Variants in CCDC9 observed in about 807,000 individuals in gnomAD.
CCDC9 encodes the protein coiled-coil domain containing 9.
Under a neutral mutation model 65.6 loss-of-function variants are expected in CCDC9, and 52 were observed. That is an observed-to-expected ratio of 0.79 (90% confidence interval 0.63 to 1.00). The LOEUF is 1.00. CCDC9 is among the 50% of genes least tolerant of loss of function. The pLI, the probability that CCDC9 is intolerant of heterozygous loss-of-function variation, is 0.00. For synonymous variants in CCDC9, 332 were observed against 280.3 expected (o/e 1.18, Z -1.84); for missense variants, 834 against 757.2 (o/e 1.10, Z -1.19).
chr19:47,270,667 A>C lies in CCDC9; in HGVS notation c.1064A>C (p.Lys355Thr), dbSNP rs1195354450. The C allele has an allele frequency of 1.2e-6, 2 of 1,611,808 alleles. No homozygotes were observed. The highest frequency in any genetic ancestry group is 1.7e-6 in the Non-Finnish European group (2 of 1,179,888). ...AGAAAGAGCAGTCGGCCCCAGGCCA[A>C]GGCAGCGCCCAGGGCCTACAGGTGG... The part of the protein sequence containing the change: ...RRRKSSRPQA[K>T]AAPRAYSDHD... The change falls in exon 10 of 12, where the codon AAG becomes ACG. Residue 355 changes from lysine (K) to threonine (T), a missense_variant. Coordinates refer to ENST00000221922, the MANE Select transcript of CCDC9 (RefSeq NM_015603.3).
chr19:47,266,880 G>C (rs996754716), intron 8 of CCDC9, 88 bp downstream of exon 8: 9 of 1,477,082 alleles, frequency 6.1e-6, no homozygotes, highest in African/African-American at 1.4e-5. Flanking sequence ...GGTTTTTCCT[G>C]CTGTGTATGA....
intron 1 of CCDC9, 91 bp from the exon 2 acceptor site, chr19:47,258,237 TTG>T (rs1321556659): frequency 2.9e-6 from 2 of 691,090 alleles, no homozygotes; most frequent in Non-Finnish European, 5.1e-6. Flanking sequence ...ACAGGGTTTT[TTG>T]TGTATGGCTG....
intron 1 of CCDC9, among the ~76,000 whole-genome samples, chr19:47,256,949 C>T (rs1957618049): frequency 6.7e-6 from 1 of 148,896 alleles, no homozygotes; most frequent in Non-Finnish European, 1.5e-5. Context: ...AAAGTTTTGC[C>T]TTACTGGAAG....
chr19:47,258,699 C>T, intron 3 of CCDC9, 36 bp downstream of exon 3: 1 of 1,486,514 alleles, frequency 6.7e-7, no homozygotes, highest in Non-Finnish European at 9.4e-7. Flanking sequence ...CCCATCCCCT[C>T]TCTTCCCCGC....
At chr19:47,268,785 T>C (rs549039876) in intron 8 of CCDC9, among the ~76,000 whole-genome samples, 1 of 151,672 alleles carries the variant, frequency 6.6e-6, no homozygotes, top group South Asian at 2.1e-4. Flanking sequence ...GGTGTGGTGG[T>C]GGGCGCCCTG....
At position 47,260,771 on chromosome 19, in the gene CCDC9, G is replaced by T; in HGVS notation, c.394G>T (p.Gly132Cys). The change falls in exon 5 of 12, where the codon GGC becomes TGC. Residue 132 changes from glycine to cysteine, a missense_variant. Coordinates refer to ENST00000221922, the MANE Select transcript of CCDC9 (RefSeq NM_015603.3). Reference sequence around the variant, plus strand: ...AGGAGCTGGGGGCCGTGGCCGGAGGGGCCGGGGCCGAGGTTCACCTCACCT... The same window carrying T: ...AGGAGCTGGGGGCCGTGGCCGGAGGTGCCGGGGCCGAGGTTCACCTCACCT... ...GGGAGGRGRR[G>C]RGRGSPHLSG... 6.2e-7 allele frequency: 1 copy of T among 1,612,232 alleles called. No individual in the cohort carries two copies. The highest frequency in any genetic ancestry group is 8.5e-7 in the Non-Finnish European group (1 of 1,179,252).
intron 3 of CCDC9, 105 bp downstream of exon 3, chr19:47,258,768 C>G (rs2059027451): frequency 1.2e-6 from 1 of 822,412 alleles, no homozygotes; most frequent in Admixed American, 2.1e-5. Context: ...CCATCACTGT[C>G]AGGATAAAGG....
At chr19:47,257,272 C>T (rs2059016588) in intron 1 of CCDC9, among the ~76,000 whole-genome samples, 1 of 146,114 alleles carries the variant, frequency 6.8e-6, no homozygotes, top group Non-Finnish European at 1.5e-5. Context: ...GAGGCGGGGC[C>T]AGAGGGTTGA....
chr19:47,260,706 G>A lies in CCDC9; in HGVS notation c.329G>A (p.Arg110His), dbSNP rs368381443. The change falls in exon 5 of 12, where the codon CGC becomes CAC. Residue 110 changes from arginine (R) to histidine (H), a missense_variant. Arg to His is a conservative substitution (Grantham distance 29). Transcript: ENST00000221922. ...CGGGCCGGCATGGGCCGAGCATCGC[G>A]CAGCTGGGAGGGCAGCCCCGGGGAG... ...GGRAGMGRASRSWEGSPGEQP... is the reference protein window; with the variant it reads ...GGRAGMGRASHSWEGSPGEQP... 23 of 1,575,584 alleles carry A rather than the reference G, an allele frequency of 1.5e-5. No individual in the cohort carries two copies. The highest frequency in any genetic ancestry group is 1.3e-4 in the East Asian group (6 of 44,634).
Position 47,271,843 on chromosome 19 carries a change from A to T in CCDC9, c.*165A>T. 1 of 1,415,718 alleles carries T rather than the reference A, an allele frequency of 7.1e-7. No individual in the cohort carries two copies. The highest frequency in any genetic ancestry group is 9.2e-7 in the Non-Finnish European group (1 of 1,088,866). 87.7% of individuals were successfully genotyped at this position (1,415,718 alleles called of 1,614,324 possible). On this transcript the variant is annotated 3_prime_UTR_variant, in exon 12 of 12. Transcript: ENST00000221922. ...CCACAGCCCTGTCAGCTGAGGGGGT[A>T]GCGCAGCCCATGCTCTTCTGTACTG... is the stretch of plus-strand genomic sequence containing the variant.
chr19:47,273,333 T>C (rs1044709255), downstream of CCDC9: 2 of 1,228,416 alleles, frequency 1.6e-6, no homozygotes, highest in South Asian at 4.1e-5. Flanking sequence ...TCCCCTCCGC[T>C]GACTCAGCCC....
At chr19:47,260,240 T>G in intron 3 of CCDC9, 81 bp from the exon 4 acceptor site, 1 of 1,004,222 alleles carries the variant, frequency 1.0e-6, no homozygotes, top group Middle Eastern at 2.0e-4. Context: ...GGGGCCAGAC[T>G]TAGGAGGAGT....
intron 3 of CCDC9, among the ~76,000 whole-genome samples, chr19:47,259,209 G>A (rs2059029781): frequency 6.6e-6 from 1 of 152,210 alleles, no homozygotes; most frequent in Middle Eastern, 3.2e-3. Flanking sequence ...GCTTCAAGTT[G>A]GAGGGTTGGT....
At position 47,270,289 on chromosome 19, in the gene CCDC9, C is replaced by T; in HGVS notation, c.903-118C>T. The T allele has an allele frequency of 5.2e-6, 5 of 954,410 alleles. No individual in the cohort carries two copies. The South Asian group carries it at 7.3e-5, about 14-fold the overall frequency. 59.1% of individuals were successfully genotyped at this position (954,410 alleles called of 1,614,324 possible). On this transcript the variant is annotated intron_variant, in intron 8 of 11. Coordinates refer to ENST00000221922, the MANE Select transcript of CCDC9 (RefSeq NM_015603.3). The stretch of plus-strand genomic sequence containing the variant: ...CGGCCCTGTCCTACTTCTAGTGTCC[C>T]CTGTCTGGTTGACCGTCTGTCTCTG...
At chr19:47,258,136 G>C in intron 1 of CCDC9, 194 bp from the exon 2 acceptor site, 3 of 564,244 alleles carry the variant, frequency 5.3e-6, no homozygotes, top group Non-Finnish European at 9.5e-6. Context: ...AGTCCACAAA[G>C]ATCATGAAAG....
intron 3 of CCDC9, among the ~76,000 whole-genome samples, 174 bp downstream of exon 3, chr19:47,258,837 T>A (rs868519346): frequency 4.6e-5 from 7 of 152,246 alleles, no homozygotes; most frequent in East Asian, 3.8e-4. Flanking sequence ...TTCATTCATT[T>A]GTTCACAAAT....
rs1279638393 is a variant in CCDC9, at chr19:47,264,685, G to A, written c.545G>A (p.Arg182Gln). Reference sequence around the variant, plus strand: ...ATCGCCGAGTATGAGCGCAACCAGCGGGTCAGTGGTGCGGGTGTCCCCGAG... The same window carrying A: ...ATCGCCGAGTATGAGCGCAACCAGCAGGTCAGTGGTGCGGGTGTCCCCGAG... ...EKIAEYERNQ[R>Q]EGVLEPNPVR... Residue 182 changes from arginine (R) to glutamine (Q), a missense_variant and splice_region_variant, in exon 6 of 12, where the codon CGG becomes CAG. By Grantham distance (43) the Arg-to-Gln change is conservative. Transcript: ENST00000221922. 12 of 1,604,906 alleles carry A rather than the reference G, an allele frequency of 7.5e-6. No homozygotes were observed. The highest frequency in any genetic ancestry group is 1.7e-5 in the Admixed American group (1 of 58,490).
intron 8 of CCDC9, among the ~76,000 whole-genome samples, chr19:47,270,115 C>T (rs1424052397): frequency 1.3e-5 from 2 of 151,900 alleles, no homozygotes; most frequent in African/African-American, 2.4e-5. Context: ...ATTACAGGCA[C>T]GTGCCACCAC....
At chr19:47,264,024 G>A (rs2059063173) in intron 5 of CCDC9, among the ~76,000 whole-genome samples, 1 of 152,040 alleles carries the variant, frequency 6.6e-6, no homozygotes, top group South Asian at 2.1e-4. Flanking sequence ...GATTACAGGC[G>A]CCCACCACCA....
Sources: gnomAD v4.1 joint callset for allele counts (sites outside exome capture counted in the v4.1 genomes callset) on GRCh38, gnomAD v4.1.1 for gene constraint, MANE v1.5 for transcripts, NCBI Gene and HGNC (gene_info 2026-07-23, HGNC 2026-07-21) for gene names.